Variants in TP63 observed in about 807,000 individuals in gnomAD.
TP63 encodes the protein tumor protein p63, also known as tumor protein 63.
TP63 carries 17 observed loss-of-function variants against 82.8 expected under a neutral mutation model. The observed-to-expected ratio is 0.21, with a 90% CI of 0.14 to 0.31. The LOEUF (loss-of-function observed/expected upper bound fraction) is 0.31, where lower values mean the gene tolerates loss of function less well. Among genes scored for constraint, TP63 ranks in the 10% least tolerant of loss-of-function variants. TP63 has a pLI of 1.00. For missense variants in TP63, 648 were observed against 895.3 expected (o/e 0.72, Z 3.52); for synonymous variants, 330 against 321.7 (o/e 1.03, Z -0.28).
At chr3:189,681,355 C>A (rs1307158224) in intron 1 of TP63, among the ~76,000 whole-genome samples, 1 of 152,176 alleles carries the variant, frequency 6.6e-6, no homozygotes, top group African/African-American at 2.4e-5. Context: ...CTTCCATTAG[C>A]ATACATTTTA....
chr3:189,708,738 T>C lies in TP63; in HGVS notation c.63-29002T>C, dbSNP rs183380601. ...CATTAATTCTGTCACTATCCACTAT[T>C]CTACTAGAATCTATAATGAACATCG... On this transcript the variant is annotated intron_variant, in intron 1 of 13. Coordinates refer to ENST00000264731, the MANE Select transcript of TP63 (RefSeq NM_003722.5). 1.8e-3 allele frequency among the ~76,000 whole-genome samples: 274 copies of C among 152,278 alleles called. 2 individuals are homozygous for C. The highest frequency in any genetic ancestry group is 0.014 in the Middle Eastern group (4 of 294).
chr3:189,896,938 C>G lies in TP63; in HGVS notation c.*2436C>G, dbSNP rs1247666475. ...GTTTTTGTTTGGAGACGTTTATAAA[C>G]AGAAATGGAAAGCAGAGTTTTCATT... On this transcript the variant is annotated 3_prime_UTR_variant, in exon 14 of 14. Transcript: ENST00000264731. The G allele has an allele frequency of 4.4e-6, 1 of 225,246 alleles. No homozygotes were observed. The highest frequency in any genetic ancestry group is 6.5e-5 in the East Asian group (1 of 15,426). 14.0% of individuals were successfully genotyped at this position (225,246 alleles called of 1,614,324 possible). A position where few individuals can be genotyped will look rare whatever the true frequency, so the allele number is the denominator to read the frequency against.
At chr3:189,641,985 A>C (rs1168992897) in intron 1 of TP63, among the ~76,000 whole-genome samples, 1 of 152,172 alleles carries the variant, frequency 6.6e-6, no homozygotes, top group African/African-American at 2.4e-5. Context: ...AGTCAGGGCT[A>C]TCTGACCCAA....
At chr3:189,796,036 G>A (rs1214267460) in intron 3 of TP63, among the ~76,000 whole-genome samples, 1 of 151,888 alleles carries the variant, frequency 6.6e-6, no homozygotes, top group African/African-American at 2.4e-5. Flanking sequence ...TTAAATAGTC[G>A]TCTTAGAAAT....
the TP63 span, among the ~76,000 whole-genome samples, chr3:189,601,638 C>T: frequency 6.6e-6 from 1 of 152,206 alleles, no homozygotes; most frequent in Non-Finnish European, 1.5e-5. Context: ...TTAGCTTTTC[C>T]TCATTCATGA....
At chr3:189,825,742 A>G (rs986754848) in intron 4 of TP63, among the ~76,000 whole-genome samples, 1 of 152,212 alleles carries the variant, frequency 6.6e-6, no homozygotes, top group African/African-American at 2.4e-5. Context: ...TTTTGTTTTT[A>G]ACAGCCATTG....
intron 1 of TP63, among the ~76,000 whole-genome samples, chr3:189,723,488 C>T (rs906727335): frequency 6.6e-6 from 1 of 152,214 alleles, no homozygotes; most frequent in African/African-American, 2.4e-5. Context: ...TATCGATTCT[C>T]TTATTGATGT....
At chr3:189,835,301 A>G (rs1712971735) in intron 4 of TP63, among the ~76,000 whole-genome samples, 1 of 152,232 alleles carries the variant, frequency 6.6e-6, no homozygotes, top group African/African-American at 2.4e-5. Context: ...GGGAGAGAAT[A>G]AATTATAGTT....
At chr3:189,848,886 A>G (rs947728017) in intron 4 of TP63, among the ~76,000 whole-genome samples, 19 of 152,144 alleles carry the variant, frequency 1.2e-4, no homozygotes, top group Admixed American at 2.0e-4. Context: ...CCTTTTTTGT[A>G]TGCTAATGCT....
intron 3 of TP63, among the ~76,000 whole-genome samples, chr3:189,765,433 C>CATTTTTTTTTTTTTTTTTTT (rs1722869060): frequency 3.3e-5 from 1 of 30,088 alleles, no homozygotes; most frequent in Non-Finnish European, 5.9e-5. Context: ...CTGTCCTCTG[C>CATTTTTTTTTTTTTTTTTTT]TTTTTTTTTT....
intron 3 of TP63, among the ~76,000 whole-genome samples, chr3:189,749,889 C>G (rs113543269): frequency 6.6e-6 from 1 of 151,886 alleles, no homozygotes; most frequent in Non-Finnish European, 1.5e-5. Flanking sequence ...TTTGGGAGCC[C>G]GAGGCAGGCA....
intron 3 of TP63, among the ~76,000 whole-genome samples, chr3:189,776,675 T>C (rs1723828939): frequency 6.6e-6 from 1 of 152,126 alleles, no homozygotes; most frequent in African/African-American, 2.4e-5. Context: ...GGGCAGAGAG[T>C]TGAACTCTCT....
chr3:189,714,086 C>G (rs1718786803), intron 1 of TP63, among the ~76,000 whole-genome samples: 1 of 152,150 alleles, frequency 6.6e-6, no homozygotes, highest in African/African-American at 2.4e-5. Context: ...GTGGTATTCA[C>G]AGATCCTCAG....
At chr3:189,617,097 G>T in the TP63 span, among the ~76,000 whole-genome samples, 1 of 152,194 alleles carries the variant, frequency 6.6e-6, no homozygotes, top group Non-Finnish European at 1.5e-5. Flanking sequence ...TCACTGAAGT[G>T]TCAGGAATCT....
chr3:189,767,093 C>G (rs1338130944), intron 3 of TP63, among the ~76,000 whole-genome samples: 2 of 152,134 alleles, frequency 1.3e-5, no homozygotes, highest in South Asian at 2.1e-4. Flanking sequence ...TTCCCCATAA[C>G]TTTTTGTTTG....
At chr3:189,662,995 G>A (rs985883876) in intron 1 of TP63, among the ~76,000 whole-genome samples, 2 of 147,908 alleles carry the variant, frequency 1.4e-5, no homozygotes, top group African/African-American at 4.9e-5. Context: ...TTATTATGTG[G>A]CTTTCATAAG....
upstream of TP63, among the ~76,000 whole-genome samples, chr3:189,627,244 C>A (rs1177491214): frequency 6.6e-6 from 1 of 152,184 alleles, no homozygotes; most frequent in African/African-American, 2.4e-5. Context: ...GATGATTGAA[C>A]TCTTAAAAAG....
chr3:189,789,964 G>T, intron 3 of TP63: 1 of 905,650 alleles, frequency 1.1e-6, no homozygotes, highest in Non-Finnish European at 1.5e-6. Flanking sequence ...TTGTATATAG[G>T]AATCTCCTTT....
the TP63 span, among the ~76,000 whole-genome samples, chr3:189,601,244 C>A: frequency 6.6e-6 from 1 of 152,130 alleles, no homozygotes; most frequent in Admixed American, 6.6e-5. Context: ...GGAGAGGGAA[C>A]TTTAAAGCTT....
Sources: gnomAD v4.1 joint callset for allele counts (sites outside exome capture counted in the v4.1 genomes callset) on GRCh38, gnomAD v4.1.1 for gene constraint, MANE v1.5 for transcripts, NCBI Gene and HGNC (gene_info 2026-07-23, HGNC 2026-07-21) for gene names.